The following GPC3 variants were observed in gnomAD, a reference collection of about 807,000 sequenced individuals.
GPC3 encodes the protein glypican 3, also known as glypican-3.
GPC3 carries 3 observed loss-of-function variants against 34.4 expected under a neutral mutation model. The ratio of observed to expected loss-of-function variants is 0.09; its 90% CI spans 0.04 to 0.23. The LOEUF is 0.23. Ranked by LOEUF, GPC3 falls within the 10% of genes least tolerant of loss-of-function variation. The probability of loss-of-function intolerance (pLI) is 1.00; values close to 1 mark genes in which losing one functional copy is unlikely to be tolerated. For missense variants in GPC3, 351 were observed against 445.6 expected (o/e 0.79, Z 1.91); for synonymous variants, 177 against 174.0 (o/e 1.02, Z -0.13).
At chrX:133,903,706 G>C (rs1026953231) in intron 2 of GPC3, among the ~76,000 whole-genome samples, 8 of 112,434 alleles carry the variant, frequency 7.1e-5, no homozygotes, top group Non-Finnish European at 1.5e-4. Flanking sequence ...CACTGGCAGA[G>C]AAGGAAAGGG....
At chrX:133,654,846 T>C (rs1368779282) in intron 6 of GPC3, among the ~76,000 whole-genome samples, 1 of 112,339 alleles carries the variant, frequency 8.9e-6, no homozygotes, top group Non-Finnish European at 1.9e-5. Context: ...TGGTAGTCTA[T>C]ATTGTTTGAC....
chrX:133,564,061 T>C (rs1390380423), intron 7 of GPC3, among the ~76,000 whole-genome samples: 1 of 110,959 alleles, frequency 9.0e-6, no homozygotes, highest in African/African-American at 3.3e-5. Flanking sequence ...ACGCCACTGT[T>C]AGTTTGGTCT....
Position 133,683,798 on chromosome X carries a change from T to C in GPC3, c.1292+8571A>G, listed in dbSNP as rs550440887. Among the ~76,000 whole-genome samples, 5 of 112,165 alleles carry C rather than the reference T, an allele frequency of 4.5e-5. No homozygotes were observed. The South Asian group carries it at 1.9e-3, about 42-fold the overall frequency. ...GGTAAAGCTACTGTATATGACACCA[T>C]AATCTTAAGGGATAAATGTTACTGT... is the stretch of plus-strand genomic sequence containing the variant. On this transcript the variant is annotated intron_variant, in intron 5 of 7. Transcript: ENST00000370818.
At chrX:133,923,932 C>A (rs1453878341) in intron 2 of GPC3, among the ~76,000 whole-genome samples, 1 of 111,588 alleles carries the variant, frequency 9.0e-6, no homozygotes, top group African/African-American at 3.3e-5. Context: ...AAATGGCAGT[C>A]CTGAGATGTT....
intron 6 of GPC3, among the ~76,000 whole-genome samples, chrX:133,628,426 C>A (rs774396045): frequency 1.8e-5 from 2 of 111,451 alleles, no homozygotes; most frequent in Non-Finnish European, 3.8e-5. Context: ...GAGGCTGAGG[C>A]GGGCAGATCA....
chrX:133,668,744 T>C (rs776054496), intron 5 of GPC3, among the ~76,000 whole-genome samples: 1 of 111,666 alleles, frequency 9.0e-6, no homozygotes, highest in African/African-American at 3.2e-5. Flanking sequence ...GTCACTTGCC[T>C]AAAGTCACAC....
intron 6 of GPC3, among the ~76,000 whole-genome samples, chrX:133,631,484 T>G: frequency 8.9e-6 from 1 of 111,996 alleles, no homozygotes. Context: ...CCAAATTTTT[T>G]CTTATCCATT....
intron 1 of GPC3, among the ~76,000 whole-genome samples, chrX:133,966,386 C>A (rs1413834553): frequency 8.9e-6 from 1 of 112,588 alleles, no homozygotes; most frequent in African/African-American, 3.2e-5. Context: ...CCATCCTGGT[C>A]TTCAGCATTC....
intron 2 of GPC3, among the ~76,000 whole-genome samples, chrX:133,852,588 G>A (rs2075879241): frequency 9.0e-6 from 1 of 111,296 alleles, no homozygotes; most frequent in Admixed American, 9.6e-5. Context: ...TAAAAAATAG[G>A]AATTTTGCCA....
At chrX:133,689,635 C>T (rs992213248) in intron 5 of GPC3, among the ~76,000 whole-genome samples, 10 of 112,350 alleles carry the variant, frequency 8.9e-5, no homozygotes, top group African/African-American at 3.2e-4. Context: ...ATAATATTTG[C>T]TTCAAACAAT....
chrX:133,853,172 T>C (rs1156756458), intron 2 of GPC3, among the ~76,000 whole-genome samples: 1 of 111,453 alleles, frequency 9.0e-6, no homozygotes, highest in Non-Finnish European at 1.9e-5. Flanking sequence ...TTAACATGTC[T>C]CAGTTGTCCC....
At chrX:133,860,828 A>G (rs2075932931) in intron 2 of GPC3, among the ~76,000 whole-genome samples, 1 of 111,955 alleles carries the variant, frequency 8.9e-6, no homozygotes, top group African/African-American at 3.2e-5. Flanking sequence ...TTGGCCAGGC[A>G]CGGTGGCTCA....
At chrX:133,590,783 C>T (rs2069839535) in intron 7 of GPC3, among the ~76,000 whole-genome samples, 1 of 111,333 alleles carries the variant, frequency 9.0e-6, no homozygotes, top group Non-Finnish European at 1.9e-5. Flanking sequence ...AACTATAGCT[C>T]AAGAGAAGAG....
At position 133,753,531 on chromosome X, in the gene GPC3, T is replaced by C. The variant is rs761141186; in HGVS notation, c.983A>G (p.His328Arg). ...CTTCTGGACATACTGGATAGAATCA[T>C]GGATTGTTGAAAAGAGACCAAGCAG... ...NVLLGLFSTI[H>R]DSIQYVQKNA... The change falls in exon 3 of 8, where the codon CAT becomes CGT. Residue 328 changes from histidine (H) to arginine (R), a missense_variant. By Grantham distance (29) the His-to-Arg change is conservative. Coordinates refer to ENST00000370818, the MANE Select transcript of GPC3 (RefSeq NM_004484.4). 8 of 1,210,775 alleles carry C rather than the reference T, an allele frequency of 6.6e-6. No homozygotes were observed. Among genetic ancestry groups the C allele is most frequent in the Admixed American group, 6.5e-5 (3 of 46,017 alleles).
rs34399470 is a variant in GPC3 at position 133,620,219 on chromosome X, CAA to C, written c.1414-23622_1414-23621del. On this transcript the variant is annotated intron_variant, in intron 6 of 7. Coordinates refer to ENST00000370818, the MANE Select transcript of GPC3 (RefSeq NM_004484.4). Reference sequence around the variant, plus strand: ...TGGGAGACAGAGCAAGACTCTGTCTCAAAAAAAAAAAAAAAAAAAAATTCTAC... The same window carrying C: ...TGGGAGACAGAGCAAGACTCTGTCTCAAAAAAAAAAAAAAAAAAATTCTAC... Among the ~76,000 whole-genome samples, 265 of 41,907 alleles carry C rather than the reference CAA, an allele frequency of 6.3e-3. 2 individuals are homozygous for C. Among genetic ancestry groups the C allele is most frequent in the African/African-American group, 0.016 (201 of 12,217 alleles). 36.4% of individuals were successfully genotyped at this position (41,907 alleles called of 115,157 possible). A position where few individuals can be genotyped will look rare whatever the true frequency, so the allele number is the denominator to read the frequency against.
At chrX:133,729,802 C>A (rs763791375) in intron 3 of GPC3, among the ~76,000 whole-genome samples, 92 of 111,962 alleles carry the variant, frequency 8.2e-4, no homozygotes, top group Non-Finnish European at 1.5e-3. Flanking sequence ...TTCAAAGGTT[C>A]TTTTCTACGC....
intron 2 of GPC3, among the ~76,000 whole-genome samples, chrX:133,882,954 T>C (rs898592294): frequency 9.0e-6 from 1 of 111,179 alleles, no homozygotes; most frequent in Non-Finnish European, 1.9e-5. Flanking sequence ...ATCCATCTTG[T>C]GCTCAAATAG....
intron 2 of GPC3, among the ~76,000 whole-genome samples, chrX:133,833,533 CA>C (rs1453465119): frequency 9.0e-6 from 1 of 111,444 alleles, no homozygotes; most frequent in Non-Finnish European, 1.9e-5. Flanking sequence ...GGAAAAGATA[CA>C]GACAGGGCCA....
chrX:133,795,693 T>C (rs2075575023), intron 2 of GPC3, among the ~76,000 whole-genome samples: 1 of 111,413 alleles, frequency 9.0e-6, no homozygotes, highest in African/African-American at 3.3e-5. Context: ...TAAATTATCT[T>C]GAGGCTTTTG....
Sources: gnomAD v4.1 joint callset for allele counts (sites outside exome capture counted in the v4.1 genomes callset) on GRCh38, gnomAD v4.1.1 for gene constraint, MANE v1.5 for transcripts, NCBI Gene and HGNC (gene_info 2026-07-23, HGNC 2026-07-21) for gene names.